PRH1: variants seen among roughly 807,000 people sequenced by gnomAD.
PRH1 encodes the protein salivary acidic proline-rich phosphoprotein 1/2.
In PRH1, 7 loss-of-function variants were observed where a neutral mutation model predicts 7.9. The ratio of observed to expected loss-of-function variants is 0.89; its 90% confidence interval spans 0.50 to 1.67. PRH1 has a LOEUF of 1.67. Ranked by LOEUF, PRH1 falls within the 40% of genes most tolerant of loss-of-function variation. PRH1 has a pLI of 0.00. For synonymous variants in PRH1, 45 were observed against 80.8 expected, an observed-to-expected ratio of 0.56 and a Z score of 2.38; for missense variants, 109 against 223.6, an observed-to-expected ratio of 0.49 and a Z score of 3.27.
chr12:10,939,079 C>A (rs747532948), intron 2 of PRH1: 1 of 1,613,946 alleles, frequency 6.2e-7, no homozygotes, highest in Non-Finnish European at 8.5e-7. Context: ...TCCGATCAAC[C>A]GAAGAGATCT....
At chr12:11,017,475 C>CTATT (rs1941348450) in intron 1 of PRH1, among the ~76,000 whole-genome samples, 1 of 91,868 alleles carries the variant, frequency 1.1e-5, no homozygotes, top group South Asian at 3.1e-4. Flanking sequence ...GTTGAAAAAT[C>CTATT]AATTAATTAA....
intron 1 of PRH1, among the ~76,000 whole-genome samples, chr12:11,007,263 T>A (rs1054955994): frequency 6.6e-6 from 1 of 152,080 alleles, no homozygotes; most frequent in Non-Finnish European, 1.5e-5. Context: ...AACCAATACT[T>A]TTATATGACT....
intron 1 of PRH1, chr12:11,030,882 T>A: frequency 6.2e-7 from 1 of 1,614,190 alleles, no homozygotes; most frequent in African/African-American, 1.3e-5. Flanking sequence ...GTCCGTACAA[T>A]CTCTTTCATG....
At chr12:10,902,712 C>T (rs115519709) in intron 2 of PRH1, among the ~76,000 whole-genome samples, 3,721 of 152,184 alleles carry the variant, frequency 0.024, 74 homozygotes, top group African/African-American at 0.049. Flanking sequence ...TGGAGGCCTA[C>T]TTTCAGCATT....
chr12:11,133,324 A>T (rs1946429108), intron 1 of PRH1: 1 of 1,613,558 alleles, frequency 6.2e-7, no homozygotes, highest in African/African-American at 1.3e-5. Context: ...ATCTATGGAG[A>T]CGAAGGCTTC....
chr12:11,026,856 T>C (rs2136087592), intron 1 of PRH1, among the ~76,000 whole-genome samples: 1 of 152,352 alleles, frequency 6.6e-6, no homozygotes, highest in East Asian at 1.9e-4. Flanking sequence ...TGAGGAAAAA[T>C]CAAAACAATT....
chr12:10,987,445 T>C (rs1939706682), intron 1 of PRH1, among the ~76,000 whole-genome samples: 1 of 152,004 alleles, frequency 6.6e-6, no homozygotes, highest in African/African-American at 2.4e-5. Context: ...TTGGGAACCA[T>C]AAGAAGACCA....
intron 2 of PRH1, among the ~76,000 whole-genome samples, chr12:10,918,370 T>G (rs1006481934): frequency 7.9e-5 from 12 of 152,034 alleles, no homozygotes; most frequent in Non-Finnish European, 1.6e-4. Context: ...ACCCCAGAAC[T>G]TAATAAATAA....
chr12:11,086,218 A>C (rs546197859), intron 1 of PRH1, among the ~76,000 whole-genome samples: 1 of 146,316 alleles, frequency 6.8e-6, no homozygotes, highest in African/African-American at 2.5e-5. Flanking sequence ...ATGTTTATCA[A>C]GCTTAATGTC....
rs142679941 is a variant in PRH1, at chr12:10,942,712, T to C, written c.-59+30943A>G. Among the ~76,000 whole-genome samples the C allele has an allele frequency of 1.9e-3, 284 of 152,258 alleles. 2 individuals are homozygous for C. The highest frequency in any genetic ancestry group is 6.4e-3 in the African/African-American group (267 of 41,562). ...TGCACAATGGATTTGAACTCTTCCCTCAGTTCTGGCCAGGAGGCTTCTTGA... is the reference window on the plus strand; with the variant it reads ...TGCACAATGGATTTGAACTCTTCCCCCAGTTCTGGCCAGGAGGCTTCTTGA... On this transcript the variant is annotated intron_variant, in intron 2 of 3. Transcript: ENST00000539853.
In PRH1 at chr12:11,085,632, C is replaced by T. The variant is rs367891012; in HGVS notation, n.124-38444G>A. ...TTGAATGAGTTCAGGGCTGACTTAA[C>T]GGAAAATATGATAATTTCCAAAACA... On this transcript the variant is annotated intron_variant and non_coding_transcript_variant, in intron 1 of 4. Coordinates refer to the PRH1 transcript ENST00000541977. Among the ~76,000 whole-genome samples the T allele has an allele frequency of 2.6e-5, 3 of 113,590 alleles. 1 individual carries two copies. The highest frequency in any genetic ancestry group is 2.1e-4 in the East Asian group (1 of 4,668). The allele number at this position is 113,590 out of a possible 152,430, so 74.5% of individuals were successfully genotyped here.
rs144166156 is a variant in PRH1, at chr12:11,001,574, A to G, written c.-125-27853T>C. 4.3e-3 allele frequency among the ~76,000 whole-genome samples: 659 copies of G among 152,240 alleles called. 5 individuals are homozygous for G. Among genetic ancestry groups the G allele is most frequent in the African/African-American group, 0.015 (637 of 41,562 alleles). On this transcript the variant is annotated intron_variant, in intron 1 of 3. Transcript: ENST00000539853. ...CCTCAAAACTTCAGCACAACTCTGA[A>G]GCAAAGTGTGCTTGTGGGAGAACCC...
chr12:10,969,331 A>T (rs1938675939), intron 2 of PRH1, among the ~76,000 whole-genome samples: 1 of 152,086 alleles, frequency 6.6e-6, no homozygotes, highest in Non-Finnish European at 1.5e-5. Context: ...TTATGGGCAT[A>T]GGATGAGGGG....
chr12:10,926,406 T>C (rs1950124047), intron 2 of PRH1, among the ~76,000 whole-genome samples: 1 of 152,198 alleles, frequency 6.6e-6, no homozygotes, highest in Non-Finnish European at 1.5e-5. Flanking sequence ...TTATATTCCA[T>C]TCAGAGAGCT....
At chr12:10,939,655 G>T (rs1459725713) in intron 2 of PRH1, among the ~76,000 whole-genome samples, 1 of 149,674 alleles carries the variant, frequency 6.7e-6, no homozygotes, top group Admixed American at 6.7e-5. Context: ...TGTAAGCACT[G>T]AGAATTTTTA....
intron 2 of PRH1, among the ~76,000 whole-genome samples, chr12:10,972,887 C>G (rs956109638): frequency 6.7e-6 from 1 of 148,876 alleles, no homozygotes; most frequent in Non-Finnish European, 1.5e-5. Flanking sequence ...TCTGTATAAC[C>G]TTATTGGTAA....
At chr12:11,013,176 G>A (rs1366030849) in intron 1 of PRH1, among the ~76,000 whole-genome samples, 3 of 152,214 alleles carry the variant, frequency 2.0e-5, no homozygotes, top group East Asian at 3.9e-4. Context: ...AACACATTTG[G>A]AGGATTACAC....
chr12:10,932,085 A>G (rs532472077), intron 2 of PRH1: 13 of 259,082 alleles, frequency 5.0e-5, no homozygotes, highest in African/African-American at 2.8e-4. Context: ...AACAAAGAAA[A>G]TGATATTAAG....
chr12:11,079,431 A>G (rs1462405854), intron 1 of PRH1, among the ~76,000 whole-genome samples: 1 of 79,604 alleles, frequency 1.3e-5, no homozygotes, highest in Non-Finnish European at 3.1e-5. Flanking sequence ...CCTTATCTAC[A>G]CTAAATCAGC....
Sources: gnomAD v4.1 joint callset for allele counts (sites outside exome capture counted in the v4.1 genomes callset) on GRCh38, gnomAD v4.1.1 for gene constraint, MANE v1.5 for transcripts, NCBI Gene and HGNC (gene_info 2026-07-23, HGNC 2026-07-21) for gene names.